TM6SF2: variants seen among roughly 807,000 people sequenced by gnomAD.
The protein encoded by TM6SF2 is transmembrane 6 superfamily member 2.
A neutral mutation model predicts 41.0 loss-of-function variants in TM6SF2; 29 were observed. The ratio of observed to expected loss-of-function variants is 0.71; its 90% CI spans 0.53 to 0.96. The LOEUF (loss-of-function observed/expected upper bound fraction) is 0.96, where lower values mean the gene tolerates loss of function less well. Among genes scored for constraint, TM6SF2 ranks in the 50% least tolerant of loss-of-function variants. The pLI is 0.00. For synonymous variants in TM6SF2, 200 were observed against 209.1 expected (o/e 0.96, Z 0.37); for missense variants, 475 against 499.0 (o/e 0.95, Z 0.46).
intron 1 of TM6SF2, among the ~76,000 whole-genome samples, chr19:19,271,870 T>C (rs1020285821): frequency 6.6e-6 from 1 of 152,178 alleles, no homozygotes; most frequent in Non-Finnish European, 1.5e-5. Context: ...TCATTTGTTA[T>C]GTGTTTGACT....
At chr19:19,266,203 C>T (rs374675893) in intron 9 of TM6SF2, among the ~76,000 whole-genome samples, 7 of 152,190 alleles carry the variant, frequency 4.6e-5, no homozygotes, top group East Asian at 1.9e-4. Context: ...CCTTCCCTGC[C>T]TGGAGAACTC....
Position 19,264,686 on chromosome 19 carries a change from G to T in TM6SF2, c.1112C>A (p.Ala371Asp), listed in dbSNP as rs1422254670. 6.4e-7 allele frequency: 1 copy of T among 1,553,654 alleles called. No homozygotes were observed. The highest frequency in any genetic ancestry group is 1.8e-5 in the Admixed American group (1 of 54,284). Residue 371 changes from alanine (A) to aspartate (D), a missense_variant, in exon 10 of 10, where the codon GCC (alanine) becomes GAC (aspartate). Transcript: ENST00000389363. The stretch of plus-strand genomic sequence containing the variant: ...CTCTCAATGCTGCTTCTTGTGGAGG[G>T]CTAGGGGGTCGGAGGGTGGTGGCTG... ...FHQPPPSDPL[A>D]LHKKQH is the part of the protein sequence containing the mutation.
rs573118354 is a variant in TM6SF2 at position 19,267,857 on chromosome 19, G to A, written c.711+129C>T. 28 of 1,062,626 alleles carry A rather than the reference G, an allele frequency of 2.6e-5. No individual in the cohort carries two copies. In the East Asian group the frequency reaches 3.0e-4, roughly 11 times the overall value. 65.8% of individuals were successfully genotyped at this position (1,062,626 alleles called of 1,614,324 possible). A position where few individuals can be genotyped will look rare whatever the true frequency, so the allele number is the denominator to read the frequency against. ...GCTGGGAGAAATGGGGCTTTGTCAT[G>A]GAACACTCAGGTTAGACTTGATGAA... On this transcript the variant is annotated intron_variant, in intron 7 of 9. Coordinates refer to ENST00000389363, the MANE Select transcript of TM6SF2 (RefSeq NM_001001524.3).
rs1478602057 is a variant in TM6SF2 at position 19,267,656 on chromosome 19, A to G, written c.769T>C (p.Tyr257His). Residue 257 changes from tyrosine (Y) to histidine (H), a missense_variant, in exon 8 of 10, where the codon TAC becomes CAC. Transcript: ENST00000389363. ...CFVYIYQYEP[Y>H]LRDPVAYPKV... The stretch of plus-strand genomic sequence containing the variant: ...GGGTAGGCCACAGGGTCCCGCAGGT[A>G]TGGCTCATACTGGTAGATATAGACA... 6.2e-7 allele frequency: 1 copy of G among 1,613,940 alleles called. No homozygotes were observed.
Position 19,269,752 on chromosome 19 carries a change from A to C in TM6SF2, c.419T>G (p.Phe140Cys). 1 of 1,614,146 alleles carries C rather than the reference A, an allele frequency of 6.2e-7. No individual in the cohort carries two copies. The highest frequency in any genetic ancestry group is 8.5e-7 in the Non-Finnish European group (1 of 1,180,002). Residue 140 changes from phenylalanine to cysteine, a missense_variant, in exon 5 of 10, where the codon TTT becomes TGT. Physicochemically the swap from Phe to Cys is radical, Grantham distance 205. This residue lies in a region of TM6SF2 where 238 missense variants were observed against 228.6 expected (regional missense o/e 1.04). Coordinates refer to ENST00000389363, the MANE Select transcript of TM6SF2 (RefSeq NM_001001524.3). Reference sequence around the variant, plus strand: ...GAAGGAACCCAGCCAGTAGAGTCCAAAATTCCGGTATCTCTTCCTGAGCAG... The same window carrying C: ...GAAGGAACCCAGCCAGTAGAGTCCACAATTCCGGTATCTCTTCCTGAGCAG... ...AICRRKRYRNFGLYWLGSFAM... is the reference protein window; with the variant it reads ...AICRRKRYRNCGLYWLGSFAM...
At chr19:19,273,047 C>T in intron 1 of TM6SF2, 74 bp downstream of exon 1, 2 of 1,083,286 alleles carry the variant, frequency 1.8e-6, no homozygotes, top group Non-Finnish European at 2.5e-6. Flanking sequence ...CTCCCTCCAG[C>T]CCACCTCCAG....
At chr19:19,273,061 T>TTGCCCCC in intron 1 of TM6SF2, 60 bp downstream of exon 1, 16 of 305,460 alleles carry the variant, frequency 5.2e-5, no homozygotes, top group East Asian at 8.6e-5. Flanking sequence ...CCTCCAGTCC[T>TTGCCCCC]CCCCGCCCCC....
At position 19,270,320 on chromosome 19, in the gene TM6SF2, G is replaced by A. The variant is rs746544094; in HGVS notation, c.297+25C>T. 4 of 1,614,146 alleles carry A rather than the reference G, an allele frequency of 2.5e-6. No homozygotes were observed. In the South Asian group the frequency reaches 3.3e-5, roughly 13 times the overall value. ...GACTCAGACGGGCAGTGCGGTAGGG[G>A]GCTCCCTGGTCGTCCCCCAAGTACC... On this transcript the variant is annotated intron_variant, in intron 3 of 9. Coordinates refer to ENST00000389363, the MANE Select transcript of TM6SF2 (RefSeq NM_001001524.3).
intron 2 of TM6SF2, 85 bp from the exon 3 acceptor site, chr19:19,270,527 T>G (rs2061020037): frequency 1.3e-6 from 2 of 1,486,014 alleles, no homozygotes; most frequent in Non-Finnish European, 1.8e-6. Context: ...GGGCTTGAAG[T>G]TAAGGTCAGG....
intron 6 of TM6SF2, 146 bp downstream of exon 6, chr19:19,268,484 A>G (rs566658419): frequency 1.6e-6 from 2 of 1,237,326 alleles, no homozygotes; most frequent in South Asian, 3.4e-5. Flanking sequence ...TTGGGATTAC[A>G]GGCATGAGCC....
Position 19,270,163 on chromosome 19 carries a change from C to T in TM6SF2, c.401+10G>A. ...AGGGTCAGGGGCCACCCTCTCCCTG[C>T]CTCCTGCACCTTCTGCAGATGGCGC... On this transcript the variant is annotated intron_variant, in intron 4 of 9. Transcript: ENST00000389363. 6.2e-7 allele frequency: 1 copy of T among 1,613,644 alleles called. No homozygotes were observed. Among genetic ancestry groups the T allele is most frequent in the Non-Finnish European group, 8.5e-7 (1 of 1,179,854 alleles).
Position 19,264,513 on chromosome 19 carries a change from C to T in TM6SF2, c.*151G>A. 2 of 581,966 alleles carry T rather than the reference C, an allele frequency of 3.4e-6. No individual in the cohort carries two copies. The highest frequency in any genetic ancestry group is 1.1e-4 in the South Asian group (2 of 17,432). The allele number at this position is 581,966 out of a possible 1,614,324, so 36.1% of individuals were successfully genotyped here. A position where few individuals can be genotyped will look rare whatever the true frequency, so the allele number is the denominator to read the frequency against. On this transcript the variant is annotated 3_prime_UTR_variant, in exon 10 of 10. Transcript: ENST00000389363. Reference sequence around the variant, plus strand: ...TGCAGGAACACTTGGTCGTTGGTCTCCATCCCACCCACTGGACTGAAACTA... The same window carrying T: ...TGCAGGAACACTTGGTCGTTGGTCTTCATCCCACCCACTGGACTGAAACTA...
At chr19:19,267,818 C>G in intron 7 of TM6SF2, 105 bp from the exon 8 acceptor site, 1 of 1,230,810 alleles carries the variant, frequency 8.1e-7, no homozygotes, top group Non-Finnish European at 1.2e-6. Flanking sequence ...CCCAGCCCAG[C>G]TCAAGTTGGG....
intron 5 of TM6SF2, 66 bp from the exon 6 acceptor site, chr19:19,268,820 T>C: frequency 6.6e-7 from 1 of 1,508,718 alleles, no homozygotes. Flanking sequence ...GTTTGTTTGT[T>C]TGTTCTGAGA....
At chr19:19,269,843 C>T (rs1180128343) in intron 4 of TM6SF2, 74 bp from the exon 5 acceptor site, 1 of 1,605,590 alleles carries the variant, frequency 6.2e-7, no homozygotes, top group African/African-American at 1.3e-5. Flanking sequence ...GGCCTGGAGA[C>T]CACCGTGGGT....
At chr19:19,269,603 T>G (rs1037298336) in intron 5 of TM6SF2, 84 bp downstream of exon 5, 1 of 1,530,832 alleles carries the variant, frequency 6.5e-7, no homozygotes, top group African/African-American at 1.4e-5. Flanking sequence ...AGGGAAGGGA[T>G]GGAGGATCCA....
At chr19:19,268,504 A>C (rs1279398325) in intron 6 of TM6SF2, 126 bp downstream of exon 6, 4 of 1,379,646 alleles carry the variant, frequency 2.9e-6, no homozygotes, top group Non-Finnish European at 3.8e-6. Context: ...CACCGCACCC[A>C]GCCCTCCCTT....
In TM6SF2 at chr19:19,268,705, G is replaced by A. The variant is rs2061012397; in HGVS notation, c.534C>T (p.Tyr178=). 4 of 1,601,522 alleles carry A rather than the reference G, an allele frequency of 2.5e-6. No individual in the cohort carries two copies. The highest frequency in any genetic ancestry group is 1.1e-5 in the South Asian group (1 of 89,098). The part of the protein sequence containing the change: ...IRPAFFLTIP[Y]LLVPCWAGMK... ...TGCCAGCCCAGCATGGCACCAGCAG[G>A]TAGGGGATGGTGAGGAAGAAGGCAG... The change falls in exon 6 of 10, where the codon TAC becomes TAT. Residue 178 remains tyrosine (Y), a synonymous_variant. Coordinates refer to ENST00000389363, the MANE Select transcript of TM6SF2 (RefSeq NM_001001524.3).
chr19:19,271,208 A>G, intron 1 of TM6SF2, 83 bp from the exon 2 acceptor site: 1 of 1,099,314 alleles, frequency 9.1e-7, no homozygotes, highest in East Asian at 2.4e-5. Flanking sequence ...GAAGGGGCAG[A>G]CTCCTGGAAG....
Sources: gnomAD v4.1 joint callset for allele counts (sites outside exome capture counted in the v4.1 genomes callset) on GRCh38, gnomAD v4.1.1 for gene constraint, gnomAD v4.1.1 regional missense constraint, MANE v1.5 for transcripts, NCBI Gene and HGNC (gene_info 2026-07-23, HGNC 2026-07-21) for gene names.